Variants in SEPTIN9 observed in about 807,000 individuals in gnomAD.
SEPTIN9 encodes the protein septin-9.
SEPTIN9 carries 13 observed loss-of-function variants against 56.6 expected under a neutral mutation model. That is an observed-to-expected ratio of 0.23 (90% CI 0.15 to 0.37). The LOEUF is 0.37. Among genes scored for constraint, SEPTIN9 ranks in the 10% least tolerant of loss-of-function variants. The pLI, the probability that SEPTIN9 is intolerant of heterozygous loss-of-function variation, is 1.00. For synonymous variants in SEPTIN9, 332 were observed against 334.1 expected (o/e 0.99, Z 0.07); for missense variants, 650 against 823.1 (o/e 0.79, Z 2.57).
At chr17:77,417,613 A>G (rs1281039097) in intron 3 of SEPTIN9, among the ~76,000 whole-genome samples, 1 of 152,240 alleles carries the variant, frequency 6.6e-6, no homozygotes, top group African/African-American at 2.4e-5. Flanking sequence ...GCACGTTTCT[A>G]ACTGAAGCTG....
At chr17:77,420,017 CCT>C (rs1160233564) in intron 3 of SEPTIN9, 1 of 152,296 alleles carries the variant, frequency 6.6e-6, no homozygotes, top group Non-Finnish European at 1.5e-5. Context: ...CTATCCGTTT[CCT>C]GTCTGTCCCC....
chr17:77,320,330 G>A (rs906880343), intron 2 of SEPTIN9: 2 of 1,613,176 alleles, frequency 1.2e-6, no homozygotes, highest in Non-Finnish European at 1.7e-6. Flanking sequence ...CGTAGGAATG[G>A]AGAGGGACCG....
intron 4 of SEPTIN9, among the ~76,000 whole-genome samples, chr17:77,485,150 TG>T (rs575310236): frequency 0.024 from 3,413 of 140,534 alleles, 93 homozygotes; most frequent in East Asian, 0.041. Flanking sequence ...GTGATTGTGA[TG>T]GGGGTGATGA....
intron 2 of SEPTIN9, among the ~76,000 whole-genome samples, chr17:77,385,310 C>T (rs936935423): frequency 1.3e-5 from 2 of 151,888 alleles, no homozygotes; most frequent in African/African-American, 4.8e-5. Flanking sequence ...TACAGACACT[C>T]ATATTTGTAG....
chr17:77,388,433 G>A (rs1466222425), intron 2 of SEPTIN9, among the ~76,000 whole-genome samples: 1 of 152,184 alleles, frequency 6.6e-6, no homozygotes, highest in East Asian at 1.9e-4. Context: ...TGAGAATGGA[G>A]ACCAGGTCCT....
At position 77,326,515 on chromosome 17, in the gene SEPTIN9, C is replaced by T. The variant is rs2033146960; in HGVS notation, c.76+19318C>T. Among the ~76,000 whole-genome samples the T allele has an allele frequency of 6.6e-6, 1 of 152,204 alleles. No homozygotes were observed. Among genetic ancestry groups the T allele is most frequent in the African/African-American group, 2.4e-5 (1 of 41,440 alleles). The stretch of plus-strand genomic sequence containing the variant: ...GGCAGAGGCGATCGCTGCAGGCAAC[C>T]GGCAATGTGTTCAAAGGCCCTGGGG... On this transcript the variant is annotated intron_variant, in intron 2 of 11. Transcript: ENST00000427177. The surrounding 1 kb of genome is among the most constrained non-coding windows in gnomAD (Gnocchi z 5.1).
intron 4 of SEPTIN9, chr17:77,482,792 C>T (rs2039512786): frequency 3.6e-6 from 2 of 555,346 alleles, no homozygotes. Flanking sequence ...GTGGCTTCCA[C>T]ACCCCCTGGT....
intron 3 of SEPTIN9, among the ~76,000 whole-genome samples, chr17:77,430,149 C>A (rs2037071562): frequency 2.6e-5 from 4 of 152,194 alleles, no homozygotes; most frequent in African/African-American, 7.2e-5. Context: ...GCCCTCCCAG[C>A]CCCTGTTCTC....
At position 77,304,840 on chromosome 17, in the gene SEPTIN9, C is replaced by T. The variant is rs148520876; in HGVS notation, c.20-2301C>T. Among the ~76,000 whole-genome samples the T allele has an allele frequency of 6.8e-3, 1,030 of 152,224 alleles. 13 individuals carry two copies. The highest frequency in any genetic ancestry group is 0.024 in the African/African-American group (982 of 41,540). On this transcript the variant is annotated intron_variant, in intron 1 of 11. Transcript: ENST00000427177. ...GACCCCGTGTGCGTTATATGCAGTG[C>T]GGCTTCCAGTCGGGTGTGTGAAGGG... is the stretch of plus-strand genomic sequence containing the variant.
intron 3 of SEPTIN9, among the ~76,000 whole-genome samples, chr17:77,438,032 C>T (rs1200918199): frequency 6.6e-6 from 1 of 152,244 alleles, no homozygotes; most frequent in Non-Finnish European, 1.5e-5. Context: ...CTGCTTCCAG[C>T]ATCGTGTGGG....
rs2032838736 is a variant in SEPTIN9 at position 77,319,799 on chromosome 17, A to C, written c.76+12602A>C. ...GACTTTGGAAGTCGTCAGGAATTTG[A>C]CTCTGTGAGTTGGTTTCCAAGAGTC... On this transcript the variant is annotated intron_variant, in intron 2 of 11. Transcript: ENST00000427177. The surrounding 1 kb of genome is among the most constrained non-coding windows in gnomAD (Gnocchi z 5.3). 1.7e-5 allele frequency: 18 copies of C among 1,074,982 alleles called. No individual in the cohort carries two copies. The highest frequency in any genetic ancestry group is 2.0e-5 in the Non-Finnish European group (18 of 884,498). 66.6% of individuals were successfully genotyped at this position (1,074,982 alleles called of 1,614,324 possible).
intron 3 of SEPTIN9, chr17:77,427,154 G>A (rs1195411060): frequency 6.6e-6 from 1 of 152,320 alleles, no homozygotes; most frequent in Non-Finnish European, 1.5e-5. Flanking sequence ...CAGAATGTGG[G>A]GCCGCCTGTG....
chr17:77,393,988 C>T (rs1035311195), intron 2 of SEPTIN9, among the ~76,000 whole-genome samples: 44 of 152,200 alleles, frequency 2.9e-4, no homozygotes, highest in African/African-American at 9.2e-4. Context: ...TTTGGTTCTC[C>T]TGCTCTCAGC....
At position 77,437,249 on chromosome 17, in the gene SEPTIN9, G is replaced by A. The variant is rs965805856; in HGVS notation, c.721+34546G>A. ...TGCAGAAGTGGTTGGAAAGCAAGAA[G>A]CCTGGAGAGAAGTGAGGCCTCTGTG... On this transcript the variant is annotated intron_variant, in intron 3 of 11. Transcript: ENST00000427177. This position sits in a 1 kb window ranked among gnomAD's most constrained non-coding sequence, Gnocchi z 5.3. 5.9e-5 allele frequency among the ~76,000 whole-genome samples: 9 copies of A among 152,222 alleles called. No individual in the cohort carries two copies. The highest frequency in any genetic ancestry group is 5.2e-4 in the Admixed American group (8 of 15,282).
At position 77,499,811 on chromosome 17, in the gene SEPTIN9, G is replaced by A. The variant is rs887270240; in HGVS notation, c.*1153G>A. The A allele has an allele frequency of 6.8e-5, 23 of 338,000 alleles. 1 individual carries two copies. The highest frequency in any genetic ancestry group is 2.7e-4 in the Admixed American group (6 of 21,920). 20.9% of individuals were successfully genotyped at this position (338,000 alleles called of 1,614,324 possible). A position where few individuals can be genotyped will look rare whatever the true frequency, so the allele number is the denominator to read the frequency against. ...GAGCTGGGGAGGTGGGAGGCCAGGC[G>A]AGCCTGACTCTGTTGATCTACCCGT... On this transcript the variant is annotated 3_prime_UTR_variant, in exon 12 of 12. Transcript: ENST00000427177.
intron 2 of SEPTIN9, among the ~76,000 whole-genome samples, chr17:77,361,903 A>T (rs916691510): frequency 6.6e-6 from 1 of 152,212 alleles, no homozygotes; most frequent in African/African-American, 2.4e-5. Flanking sequence ...AAGTGCTGGG[A>T]TTACAGGCGT....
Position 77,499,480 on chromosome 17 carries a change from A to G in SEPTIN9, c.*822A>G. The G allele has an allele frequency of 2.0e-6, 1 of 508,312 alleles. No individual in the cohort carries two copies. Among genetic ancestry groups the G allele is most frequent in the Non-Finnish European group, 3.8e-6 (1 of 260,954 alleles). 31.5% of individuals were successfully genotyped at this position (508,312 alleles called of 1,614,324 possible). On this transcript the variant is annotated 3_prime_UTR_variant, in exon 12 of 12. Coordinates refer to ENST00000427177, the MANE Select transcript of SEPTIN9 (RefSeq NM_001113491.2). ...GATGACCCCTACCCCCTCATCCCCC[A>G]GTTTTGAAAAGGTCTAAGCAAGTGA...
At chr17:77,308,660 C>G (rs2032363497) in intron 2 of SEPTIN9, among the ~76,000 whole-genome samples, 1 of 152,158 alleles carries the variant, frequency 6.6e-6, no homozygotes, top group African/African-American at 2.4e-5. Context: ...TTCCAGACCA[C>G]ACTGGCACCT....
At chr17:77,378,109 T>A (rs1353035128) in intron 2 of SEPTIN9, among the ~76,000 whole-genome samples, 1 of 152,172 alleles carries the variant, frequency 6.6e-6, no homozygotes, top group African/African-American at 2.4e-5. Context: ...GTGGGTTCTC[T>A]GGGCTGGATG....
Sources: gnomAD v4.1 joint callset for allele counts (sites outside exome capture counted in the v4.1 genomes callset) on GRCh38, gnomAD v4.1.1 for gene constraint, Gnocchi (gnomAD v3.1) non-coding constraint, MANE v1.5 for transcripts, NCBI Gene and HGNC (gene_info 2026-07-23, HGNC 2026-07-21) for gene names.